Variants in MAF observed in about 807,000 individuals in gnomAD.
MAF encodes the protein transcription factor Maf.
MAF carries 10 observed loss-of-function variants against 22.0 expected under a neutral mutation model. That is an observed-to-expected ratio of 0.45 (90% CI 0.28 to 0.77). MAF has a LOEUF of 0.77. MAF is among the 30% of genes least tolerant of loss of function. The probability of loss-of-function intolerance (pLI) is 0.12; values close to 1 mark genes in which losing one functional copy is unlikely to be tolerated. For synonymous variants in MAF, 337 were observed against 255.8 expected, an observed-to-expected ratio of 1.32 and a Z score of -3.03; for missense variants, 544 against 548.4, an observed-to-expected ratio of 0.99 and a Z score of 0.08.
the MAF span, among the ~76,000 whole-genome samples, chr16:79,242,431 G>A: frequency 6.7e-6 from 1 of 149,374 alleles, no homozygotes; most frequent in African/African-American, 2.4e-5. Flanking sequence ...AGACTTTAAA[G>A]CAACAAAGAT....
At chr16:79,438,518 G>C in the MAF span, among the ~76,000 whole-genome samples, 1 of 152,142 alleles carries the variant, frequency 6.6e-6, no homozygotes, top group African/African-American at 2.4e-5. Context: ...GCATTTGCTG[G>C]GTACTTATTT....
the MAF span, among the ~76,000 whole-genome samples, chr16:79,384,136 T>A: frequency 6.6e-6 from 1 of 152,164 alleles, no homozygotes; most frequent in African/African-American, 2.4e-5. Flanking sequence ...GTATTCTATT[T>A]AAGCATTGTT....
At chr16:79,543,938 G>C in the MAF span, among the ~76,000 whole-genome samples, 1 of 151,560 alleles carries the variant, frequency 6.6e-6, no homozygotes, top group East Asian at 2.0e-4. Context: ...CACCCGCCTC[G>C]GCCTCCCAAA....
chr16:79,467,981 T>C, the MAF span, among the ~76,000 whole-genome samples: 1 of 152,090 alleles, frequency 6.6e-6, no homozygotes. Flanking sequence ...ATCTCCAAAT[T>C]GCAAAAACAT....
chr16:79,420,059 T>C, the MAF span, among the ~76,000 whole-genome samples: 2 of 151,996 alleles, frequency 1.3e-5, no homozygotes, highest in Non-Finnish European at 2.9e-5. Context: ...CTTCTTCAAG[T>C]AAACATACTG....
the MAF span, among the ~76,000 whole-genome samples, chr16:79,357,562 T>C: frequency 6.6e-6 from 1 of 152,186 alleles, no homozygotes; most frequent in Non-Finnish European, 1.5e-5. Context: ...CACTGCACTT[T>C]GCATCCGGGA....
At chr16:79,256,694 T>G in the MAF span, among the ~76,000 whole-genome samples, 1 of 152,196 alleles carries the variant, frequency 6.6e-6, no homozygotes, top group African/African-American at 2.4e-5. Context: ...AGACACTGCC[T>G]TCCATGTCTG....
the MAF span, among the ~76,000 whole-genome samples, chr16:79,238,117 T>A: frequency 6.6e-6 from 1 of 152,130 alleles, no homozygotes; most frequent in South Asian, 2.1e-4. Flanking sequence ...CAAAGGATCT[T>A]GACTCTGACC....
chr16:79,599,459 G>C lies in MAF; in HGVS notation c.444C>G (p.Ala148=). 7.6e-7 allele frequency: 1 copy of C among 1,316,520 alleles called. No individual in the cohort carries two copies. Among genetic ancestry groups the C allele is most frequent in the Non-Finnish European group, 9.6e-7 (1 of 1,042,068 alleles). The allele number at this position is 1,316,520 out of a possible 1,614,324, so 81.6% of individuals were successfully genotyped here. A position where few individuals can be genotyped will look rare whatever the true frequency, so the allele number is the denominator to read the frequency against. Reference sequence around the variant, plus strand: ...TCTCCTCGCCGCTGCCGCCCAAGGAGGCGCCGGCACCGGCCCCGGCCGCCG... The same window carrying C: ...TCTCCTCGCCGCTGCCGCCCAAGGACGCGCCGGCACCGGCCCCGGCCGCCG... The part of the protein sequence containing the change: ...LAAAAGAGAG[A]SLGGSGEEMG... Residue 148 remains alanine, a synonymous_variant, in exon 1 of 2, where the codon GCC becomes GCG. Transcript: ENST00000326043.
At chr16:79,328,219 G>A in the MAF span, among the ~76,000 whole-genome samples, 1 of 152,038 alleles carries the variant, frequency 6.6e-6, no homozygotes, top group Non-Finnish European at 1.5e-5. Flanking sequence ...TTTTCAGAGG[G>A]CATTGCCTGG....
chr16:79,459,721 C>T, the MAF span, among the ~76,000 whole-genome samples: 1 of 152,012 alleles, frequency 6.6e-6, no homozygotes, highest in African/African-American at 2.4e-5. Context: ...TACAGGTGCG[C>T]ACCACCATGC....
At chr16:79,552,241 T>C in the MAF span, among the ~76,000 whole-genome samples, 1 of 151,930 alleles carries the variant, frequency 6.6e-6, no homozygotes, top group Non-Finnish European at 1.5e-5. Flanking sequence ...TCAGTCAGTG[T>C]CTTGCTGTGT....
At chr16:79,515,092 A>C in the MAF span, among the ~76,000 whole-genome samples, 2 of 152,334 alleles carry the variant, frequency 1.3e-5, no homozygotes, top group East Asian at 3.9e-4. Flanking sequence ...TGTCTACCTC[A>C]TCCAGGTGTA....
the MAF span, among the ~76,000 whole-genome samples, chr16:79,466,464 G>A: frequency 6.6e-6 from 1 of 152,200 alleles, no homozygotes; most frequent in Non-Finnish European, 1.5e-5. Flanking sequence ...AGCATCTTGA[G>A]TAGCAGTCCT....
chr16:79,518,942 A>G, the MAF span, among the ~76,000 whole-genome samples: 1 of 152,204 alleles, frequency 6.6e-6, no homozygotes, highest in East Asian at 1.9e-4. Flanking sequence ...TAAATAAATA[A>G]GTAAATAAGC....
the MAF span, among the ~76,000 whole-genome samples, chr16:79,485,917 A>T: frequency 0.73 from 111,405 of 152,092 alleles, 41,774 homozygotes; most frequent in East Asian, 0.83. Context: ...AAAGCATCCA[A>T]CCAATAATGG....
chr16:79,401,278 T>C, the MAF span, among the ~76,000 whole-genome samples: 2 of 152,184 alleles, frequency 1.3e-5, no homozygotes, highest in African/African-American at 2.4e-5. Context: ...CTGTTTCAAA[T>C]AGATTCCGAT....
chr16:79,218,457 G>T, the MAF span, among the ~76,000 whole-genome samples: 8 of 152,266 alleles, frequency 5.3e-5, no homozygotes, highest in African/African-American at 1.9e-4. Context: ...CCTTTGTAGA[G>T]CGTAGAACTG....
the MAF span, among the ~76,000 whole-genome samples, chr16:79,302,373 A>G: frequency 2.0e-5 from 3 of 152,228 alleles, no homozygotes; most frequent in Admixed American, 1.3e-4. Context: ...CCCACTGGAC[A>G]CAGGCTACCA....
Sources: allele counts gnomAD v4.1 joint callset (sites outside exome capture counted in the v4.1 genomes callset), GRCh38; gene constraint gnomAD v4.1.1; transcripts MANE v1.5; gene names NCBI Gene and HGNC (gene_info 2026-07-23, HGNC 2026-07-21).